Variants in FGF13 observed in about 807,000 individuals in gnomAD.
FGF13 encodes fibroblast growth factor 13, also known as fibroblast growth factor homologous factor 2.
Under a neutral mutation model 19.5 loss-of-function variants are expected in FGF13, and 2 were observed. That is an observed-to-expected ratio of 0.10 (90% CI 0.04 to 0.32). The LOEUF is 0.32. Ranked by LOEUF, FGF13 falls within the 10% of genes least tolerant of loss-of-function variation. The probability of loss-of-function intolerance (pLI) is 1.00; values close to 1 mark genes in which losing one functional copy is unlikely to be tolerated. For synonymous variants in FGF13, 72 were observed against 76.9 expected, an observed-to-expected ratio of 0.94 and a Z score of 0.33; for missense variants, 113 against 192.7, an observed-to-expected ratio of 0.59 and a Z score of 2.45.
At chrX:139,072,935 AT>A (rs2092381356) in intron 1 of FGF13, among the ~76,000 whole-genome samples, 1 of 111,104 alleles carries the variant, frequency 9.0e-6, no homozygotes, top group Non-Finnish European at 1.9e-5. Flanking sequence ...ATTTTGCGTG[AT>A]TTCTTCAAAT....
intron 1 of FGF13, among the ~76,000 whole-genome samples, chrX:138,908,616 T>C (rs2091571887): frequency 9.0e-6 from 1 of 110,832 alleles, no homozygotes; most frequent in South Asian, 3.9e-4. Flanking sequence ...TTTTAAAAAT[T>C]ATATTAGTTA....
chrX:138,890,300 A>G (rs566607401), intron 1 of FGF13, among the ~76,000 whole-genome samples: 4 of 111,606 alleles, frequency 3.6e-5, no homozygotes, highest in African/African-American at 1.3e-4. Flanking sequence ...TCATTCTACA[A>G]ATATTTTTGT....
intron 3 of FGF13, among the ~76,000 whole-genome samples, chrX:138,638,404 C>G (rs1348268313): frequency 1.8e-5 from 2 of 111,512 alleles, no homozygotes; most frequent in African/African-American, 6.5e-5. Flanking sequence ...CTCTAACCCT[C>G]CAAGGCCTAG....
chrX:138,762,569 T>C (rs1254538810), intron 3 of FGF13, among the ~76,000 whole-genome samples: 1 of 111,485 alleles, frequency 9.0e-6, no homozygotes, highest in East Asian at 2.8e-4. Context: ...TTCTGTCTTA[T>C]GAGGAGGAAG....
intron 1 of FGF13, among the ~76,000 whole-genome samples, chrX:138,924,314 C>T (rs759743874): frequency 9.0e-6 from 1 of 111,414 alleles, no homozygotes; most frequent in Non-Finnish European, 1.9e-5. Context: ...TATTGTCAGA[C>T]AGGTTTTTCC....
rs73581273 is a variant in FGF13, at chrX:139,059,972, A to C, written c.-113+143444T>G. On this transcript the variant is annotated intron_variant, in intron 1 of 2. Coordinates refer to the FGF13 transcript ENST00000421460. ...GGTGTTGCCACATGCTGTCCAAGGC[A>C]GGTGTATAAATTGATAGTCCCTCAA... Among the ~76,000 whole-genome samples, 972 of 112,065 alleles carry C rather than the reference A, an allele frequency of 8.7e-3. 9 individuals carry two copies. The highest frequency in any genetic ancestry group is 0.029 in the African/African-American group (900 of 30,895).
chrX:138,845,859 TGAA>T (rs1275326210), intron 3 of FGF13, among the ~76,000 whole-genome samples: 1 of 111,946 alleles, frequency 8.9e-6, no homozygotes, highest in Non-Finnish European at 1.9e-5. Flanking sequence ...GGGAAATGGC[TGAA>T]GAAGGAACAT....
intron 1 of FGF13, among the ~76,000 whole-genome samples, chrX:138,949,129 A>G (rs1416838925): frequency 8.9e-6 from 1 of 111,956 alleles, no homozygotes. Context: ...GAGAAATTAC[A>G]TCTAGTTGAA....
chrX:138,847,382 T>C (rs113349590), intron 3 of FGF13, among the ~76,000 whole-genome samples: 2,135 of 111,667 alleles, frequency 0.019, 38 homozygotes, highest in Admixed American at 0.081. Flanking sequence ...CCTTTCCCTT[T>C]TGTAGATATA....
chrX:138,633,131 T>C, intron 4 of FGF13, 145 bp from the exon 5 acceptor site: 1 of 496,627 alleles, frequency 2.0e-6, no homozygotes, highest in Non-Finnish European at 3.0e-6. Context: ...TAGCTTGATT[T>C]AGCTATTCCA....
At chrX:138,713,566 T>C (rs1304829601), upstream of FGF13, among the ~76,000 whole-genome samples, 2 of 111,658 alleles carry the variant, frequency 1.8e-5, no homozygotes, top group East Asian at 5.6e-4. Flanking sequence ...ATGCAAAAGC[T>C]AAAGAAGGAT....
chrX:139,145,814 T>C (rs2083883625), intron 1 of FGF13, among the ~76,000 whole-genome samples: 2 of 111,817 alleles, frequency 1.8e-5, no homozygotes, highest in South Asian at 3.8e-4. Flanking sequence ...TCTTCAACTT[T>C]AGTGGGTCAG....
chrX:138,768,684 T>TTATATATAAGTATATATTATATATA (rs1376525240), intron 3 of FGF13, among the ~76,000 whole-genome samples: 10 of 100,824 alleles, frequency 9.9e-5, no homozygotes, highest in Admixed American at 3.4e-4. Context: ...TATATCATAC[T>TTATATATAAGTATATATTATATATA]TATATATAAG....
intron 1 of FGF13, among the ~76,000 whole-genome samples, chrX:139,193,874 T>C (rs1189507562): frequency 1.8e-5 from 2 of 112,164 alleles, no homozygotes; most frequent in Non-Finnish European, 3.8e-5. Flanking sequence ...TCAAGATTTA[T>C]TCTTAGCATA....
At chrX:139,160,023 T>G (rs2084016021) in intron 1 of FGF13, among the ~76,000 whole-genome samples, 1 of 111,678 alleles carries the variant, frequency 9.0e-6, no homozygotes, top group African/African-American at 3.3e-5. Context: ...CCACCCCAAA[T>G]CAACAGAAGA....
chrX:139,008,108 T>G (rs2092111574), intron 1 of FGF13, among the ~76,000 whole-genome samples: 1 of 112,123 alleles, frequency 8.9e-6, no homozygotes, highest in South Asian at 3.7e-4. Context: ...TCCAATGGAC[T>G]GGGAACCACA....
At chrX:139,112,664 A>G (rs1349036585) in intron 1 of FGF13, among the ~76,000 whole-genome samples, 1 of 111,841 alleles carries the variant, frequency 8.9e-6, no homozygotes, top group African/African-American at 3.3e-5. Flanking sequence ...GCTTCGCTTT[A>G]CCAGCTCTCA....
Position 138,801,317 on chromosome X carries a change from T to C in FGF13, c.217+56195A>G, listed in dbSNP as rs766817405. 1.3e-3 allele frequency among the ~76,000 whole-genome samples: 142 copies of C among 112,166 alleles called. 2 individuals are homozygous for C. Among genetic ancestry groups the C allele is most frequent in the Non-Finnish European group, 1.3e-3 (68 of 53,258 alleles). On this transcript the variant is annotated intron_variant, in intron 3 of 6. Transcript: ENST00000436198. Reference sequence around the variant, plus strand: ...TGATGTTATTGCTTTTGTTTGTTAGTTTTTCTTCTTACAGTTAGGCCCCTC... The same window carrying C: ...TGATGTTATTGCTTTTGTTTGTTAGCTTTTCTTCTTACAGTTAGGCCCCTC...
intron 2 of FGF13, among the ~76,000 whole-genome samples, chrX:138,857,867 A>C (rs772220045): frequency 1.9e-4 from 21 of 112,289 alleles, no homozygotes; most frequent in Admixed American, 9.4e-5. Context: ...AAGCCGTGGA[A>C]ATAGCTACTC....
Sources: allele counts gnomAD v4.1 joint callset (sites outside exome capture counted in the v4.1 genomes callset), GRCh38; gene constraint gnomAD v4.1.1; transcripts MANE v1.5; gene names NCBI Gene and HGNC (gene_info 2026-07-23, HGNC 2026-07-21).